Variants in MDGA2 observed in about 807,000 individuals in gnomAD.
The protein encoded by MDGA2 is MAM domain-containing glycosylphosphatidylinositol anchor protein 2.
In MDGA2, 40 loss-of-function variants were observed where a neutral mutation model predicts 117.8. The observed-to-expected ratio is 0.34, with a 90% CI of 0.26 to 0.44. The LOEUF (loss-of-function observed/expected upper bound fraction) is 0.44, where lower values mean the gene tolerates loss of function less well. Among genes scored for constraint, MDGA2 ranks in the 20% least tolerant of loss-of-function variants. MDGA2 has a pLI of 1.00. For missense variants in MDGA2, 1,123 were observed against 1,250.6 expected, an observed-to-expected ratio of 0.90 and a Z score of 1.54; for synonymous variants, 452 against 439.0, an observed-to-expected ratio of 1.03 and a Z score of -0.37.
At chr14:46,993,885 C>T (rs577809160) in intron 8 of MDGA2, among the ~76,000 whole-genome samples, 1 of 152,228 alleles carries the variant, frequency 6.6e-6, no homozygotes, top group African/African-American at 2.4e-5. Flanking sequence ...TTGTATTCAG[C>T]TTCTGGGAGG....
At chr14:47,384,741 G>C (rs1891718926) in intron 1 of MDGA2, among the ~76,000 whole-genome samples, 1 of 152,090 alleles carries the variant, frequency 6.6e-6, no homozygotes, top group South Asian at 2.1e-4. Context: ...CCACTTAAGA[G>C]ACTCTCCAGT....
In MDGA2 at chr14:47,079,457, G is replaced by T. The variant is rs1286223114; in HGVS notation, c.1195+17397C>A. ...TTCCCTTGTTCTTAACACTATTTGG[G>T]GTACAAGCTAGAATGAAATAATATT... On this transcript the variant is annotated intron_variant, in intron 6 of 16. Transcript: ENST00000399232. Among the ~76,000 whole-genome samples, 9 of 151,974 alleles carry T rather than the reference G, an allele frequency of 5.9e-5. 1 individual carries two copies. The East Asian group carries it at 1.2e-3, about 20-fold the overall frequency.
chr14:46,897,574 A>G (rs932423938), intron 10 of MDGA2, among the ~76,000 whole-genome samples: 37 of 130,590 alleles, frequency 2.8e-4, no homozygotes, highest in Admixed American at 2.5e-4. Context: ...GTTAAAGTCT[A>G]ACCTATACCT....
chr14:47,373,516 C>A (rs1208219968), intron 1 of MDGA2, among the ~76,000 whole-genome samples: 2 of 151,818 alleles, frequency 1.3e-5, no homozygotes, highest in Non-Finnish European at 2.9e-5. Flanking sequence ...CATCAGTGAA[C>A]CTTGAAAGTA....
At chr14:47,265,926 C>A (rs943548523) in intron 2 of MDGA2, among the ~76,000 whole-genome samples, 14 of 152,192 alleles carry the variant, frequency 9.2e-5, no homozygotes, top group Admixed American at 9.2e-4. Context: ...ATACAGAAAT[C>A]ATAATCTCTG....
chr14:46,842,142 AT>A, intron 16 of MDGA2, 123 bp from the exon 17 acceptor site: 2 of 624,118 alleles, frequency 3.2e-6, no homozygotes. Context: ...GAAAATATTT[AT>A]TTTTATTTTG....
At chr14:47,187,718 T>G (rs1566672061) in intron 3 of MDGA2, among the ~76,000 whole-genome samples, 1 of 152,128 alleles carries the variant, frequency 6.6e-6, no homozygotes, top group Non-Finnish European at 1.5e-5. Flanking sequence ...TAACATTTAT[T>G]CATGGGAACA....
intron 1 of MDGA2, among the ~76,000 whole-genome samples, chr14:47,389,357 C>G (rs1408355574): frequency 6.6e-6 from 1 of 152,086 alleles, no homozygotes; most frequent in East Asian, 1.9e-4. Flanking sequence ...AGTCCCCAAA[C>G]TGACATATAA....
intron 1 of MDGA2, among the ~76,000 whole-genome samples, chr14:47,435,488 T>C (rs1030043598): frequency 1.3e-5 from 2 of 152,066 alleles, no homozygotes; most frequent in African/African-American, 2.4e-5. Flanking sequence ...AACCTAGAAA[T>C]TGGCATTCTT....
rs574411951 is a variant in MDGA2, at chr14:47,124,999, G to A, written c.925+6715C>T. On this transcript the variant is annotated intron_variant, in intron 5 of 16. Transcript: ENST00000399232. ...TGACTAACATAGGACATCATCATAC[G>A]TATACCATCTATTTTCACAAACCTA... Among the ~76,000 whole-genome samples, 25 of 152,160 alleles carry A rather than the reference G, an allele frequency of 1.6e-4. 1 individual carries two copies. Among genetic ancestry groups the A allele is most frequent in the African/African-American group, 2.9e-4 (12 of 41,530 alleles).
intron 8 of MDGA2, among the ~76,000 whole-genome samples, chr14:47,002,625 AG>A (rs1279882503): frequency 3.9e-5 from 6 of 151,976 alleles, no homozygotes; most frequent in Admixed American, 6.6e-5. Context: ...GCTACTTGGG[AG>A]GCTGAGGTAG....
At chr14:46,893,011 C>G (rs117000924) in intron 10 of MDGA2, among the ~76,000 whole-genome samples, 1 of 151,840 alleles carries the variant, frequency 6.6e-6, no homozygotes, top group Non-Finnish European at 1.5e-5. Flanking sequence ...TAGATACCTA[C>G]CCAGAAGAAA....
intron 2 of MDGA2, among the ~76,000 whole-genome samples, chr14:47,223,105 G>A (rs534346522): frequency 6.6e-5 from 10 of 152,072 alleles, no homozygotes; most frequent in East Asian, 1.9e-4. Context: ...TGATAAACCC[G>A]TCAGATCTTG....
intron 8 of MDGA2, among the ~76,000 whole-genome samples, chr14:46,961,246 G>A (rs1885796671): frequency 6.6e-6 from 1 of 152,036 alleles, no homozygotes; most frequent in Non-Finnish European, 1.5e-5. Flanking sequence ...GTTAAGTTTG[G>A]TGTCTTTCAT....
intron 1 of MDGA2, among the ~76,000 whole-genome samples, chr14:47,403,406 T>C (rs1171699157): frequency 2.6e-5 from 4 of 152,196 alleles, no homozygotes; most frequent in African/African-American, 9.7e-5. Context: ...TTATGCTGTC[T>C]AGATGAATGT....
At chr14:47,439,956 T>C (rs543277771) in intron 1 of MDGA2, among the ~76,000 whole-genome samples, 18 of 152,192 alleles carry the variant, frequency 1.2e-4, no homozygotes, top group African/African-American at 4.3e-4. Flanking sequence ...TTTTTTTGGT[T>C]TGTAAATTCT....
intron 9 of MDGA2, among the ~76,000 whole-genome samples, chr14:46,955,351 C>A (rs892285489): frequency 6.6e-6 from 1 of 151,998 alleles, no homozygotes; most frequent in African/African-American, 2.4e-5. Context: ...TCTACTAAAG[C>A]TCATGAAGCT....
In MDGA2 at chr14:47,543,329, G is replaced by T. The variant is rs769809487; in HGVS notation, c.280+131188C>A. On this transcript the variant is annotated intron_variant, in intron 1 of 16. Coordinates refer to ENST00000399232, the MANE Select transcript of MDGA2 (RefSeq NM_001113498.3). ...AGTAGAAAAATATTTAAAAAATGCA[G>T]AAAATAATAATTGCAATTATGAAAG... is the stretch of plus-strand genomic sequence containing the variant. Among the ~76,000 whole-genome samples, 61 of 152,240 alleles carry T rather than the reference G, an allele frequency of 4.0e-4. No homozygotes were observed. In the Middle Eastern group the frequency reaches 0.01, roughly 25 times the overall value.
At chr14:47,634,752 A>G (rs1357428095) in intron 1 of MDGA2, among the ~76,000 whole-genome samples, 1 of 152,072 alleles carries the variant, frequency 6.6e-6, no homozygotes, top group Non-Finnish European at 1.5e-5. Flanking sequence ...GGCAAAGAAT[A>G]CTTTTGTTTT....
Sources: allele counts gnomAD v4.1 joint callset (sites outside exome capture counted in the v4.1 genomes callset), GRCh38; gene constraint gnomAD v4.1.1; transcripts MANE v1.5; gene names NCBI Gene and HGNC (gene_info 2026-07-23, HGNC 2026-07-21).